The following SERBP1 variants were observed in gnomAD, a reference collection of about 807,000 sequenced individuals.
SERBP1 encodes the protein SERPINE1 mRNA-binding protein 1.
A neutral mutation model predicts 50.2 loss-of-function variants in SERBP1; 6 were observed. The ratio of observed to expected loss-of-function variants is 0.12; its 90% confidence interval spans 0.07 to 0.24. The LOEUF (loss-of-function observed/expected upper bound fraction) is 0.24. SERBP1 is among the 10% of genes least tolerant of loss of function. The pLI is 1.00. For missense variants in SERBP1, 346 were observed against 524.9 expected (o/e 0.66, Z 3.33); for synonymous variants, 168 against 182.8 (o/e 0.92, Z 0.65).
Position 67,410,896 on chromosome 1 carries a change from A to T in SERBP1, c.*2311T>A, listed in dbSNP as rs945855408. On this transcript the variant is annotated 3_prime_UTR_variant, in exon 8 of 8. Transcript: ENST00000361219. The stretch of plus-strand genomic sequence containing the variant: ...TCATTAAGATAAGTACCCTTCCCAA[A>T]TGTGATTCAACAGCCTGGTTTTTAG... The T allele has an allele frequency of 1.3e-5, 2 of 152,130 alleles. No homozygotes were observed. Among genetic ancestry groups the T allele is most frequent in the Non-Finnish European group, 2.9e-5 (2 of 67,988 alleles). 9.4% of individuals were successfully genotyped at this position (152,130 alleles called of 1,614,324 possible).
intron 6 of SERBP1, among the ~76,000 whole-genome samples, chr1:67,416,625 CAACTT>C (rs938853225): frequency 6.6e-6 from 1 of 152,162 alleles, no homozygotes; most frequent in Non-Finnish European, 1.5e-5. Flanking sequence ...CCATTAGACT[CAACTT>C]AAAATATTAC....
chr1:67,423,741 T>C (rs190395824), intron 5 of SERBP1, among the ~76,000 whole-genome samples: 21 of 152,382 alleles, frequency 1.4e-4, no homozygotes, highest in African/African-American at 5.0e-4. Flanking sequence ...GAACTAATGT[T>C]AAAATGGCCA....
rs574222249 is a variant in SERBP1, at chr1:67,408,592, A to T, written c.*4615T>A. 2.0e-5 allele frequency: 3 copies of T among 148,838 alleles called. 1 individual carries two copies. The South Asian group carries it at 6.4e-4, about 32-fold the overall frequency. The allele number at this position is 148,838 out of a possible 1,614,324, so 9.2% of individuals were successfully genotyped here. The stretch of plus-strand genomic sequence containing the variant: ...CTCAAAAAAAAAAAAAAAAAGATGC[A>T]ATCTCCAGGAGCCATTAATTTCTGC... On this transcript the variant is annotated 3_prime_UTR_variant, in exon 8 of 8. Transcript: ENST00000361219.
intron 2 of SERBP1, 113 bp from the exon 3 acceptor site, chr1:67,425,336 A>C (rs557698375): frequency 1.1e-5 from 11 of 962,124 alleles, no homozygotes; most frequent in Middle Eastern, 3.0e-4. Context: ...ACCAATAGTT[A>C]AATACATACA....
At position 67,411,241 on chromosome 1, in the gene SERBP1, G is replaced by T. The variant is rs886853320; in HGVS notation, c.*1966C>A. 6.6e-5 allele frequency: 10 copies of T among 152,086 alleles called. No homozygotes were observed. Among genetic ancestry groups the T allele is most frequent in the African/African-American group, 1.9e-4 (8 of 41,434 alleles). 9.4% of individuals were successfully genotyped at this position (152,086 alleles called of 1,614,324 possible). ...GCAACATACCAGATATTGCTATGTT[G>T]TCTCTCACGACAGCAATGGATGACA... On this transcript the variant is annotated 3_prime_UTR_variant, in exon 8 of 8. Coordinates refer to ENST00000361219, the MANE Select transcript of SERBP1 (RefSeq NM_001018069.2).
At chr1:67,426,498 A>G (rs548752113) in intron 1 of SERBP1, among the ~76,000 whole-genome samples, 2 of 152,338 alleles carry the variant, frequency 1.3e-5, no homozygotes, top group African/African-American at 4.8e-5. Context: ...GACTAAATAC[A>G]TAAATAAATA....
chr1:67,426,587 G>A (rs1037778891), intron 1 of SERBP1, among the ~76,000 whole-genome samples: 3 of 152,122 alleles, frequency 2.0e-5, no homozygotes, highest in African/African-American at 7.2e-5. Flanking sequence ...TTCTATAACT[G>A]ACTTGGAAAT....
intron 7 of SERBP1, among the ~76,000 whole-genome samples, chr1:67,413,531 T>C (rs1666906490): frequency 6.6e-6 from 1 of 151,268 alleles, no homozygotes; most frequent in South Asian, 2.1e-4. Flanking sequence ...GCACCTGTGA[T>C]CCCACTACTC....
Position 67,413,247 on chromosome 1 carries a change from G to A in SERBP1, c.1142C>T (p.Pro381Leu), listed in dbSNP as rs1167265360. The A allele has an allele frequency of 1.9e-6, 3 of 1,589,098 alleles. No homozygotes were observed. The highest frequency in any genetic ancestry group is 1.4e-5 in the African/African-American group (1 of 72,932). Reference protein sequence around the residue: ...SRTDKSSASAPDVDDPEAFPA... With the variant: ...SRTDKSSASALDVDDPEAFPA... ...GAATGCCTCTGGGTCATCCACATCA[G>A]GAGCAGAAGCACTTGACTGAAAAAG... is the stretch of plus-strand genomic sequence containing the variant. The change falls in exon 8 of 8, where the codon CCT becomes CTT. Residue 381 changes from proline to leucine, a missense_variant. By Grantham distance (98) the Pro-to-Leu change is moderately conservative. Transcript: ENST00000361219.
At position 67,412,871 on chromosome 1, in the gene SERBP1, G is replaced by T. The variant is rs1476804366; in HGVS notation, c.*336C>A. Reference sequence around the variant, plus strand: ...ACAAATGAAGTGAAAGCTTTAAACTGGTACACACTGTTCACACCTATATTT... The same window carrying T: ...ACAAATGAAGTGAAAGCTTTAAACTTGTACACACTGTTCACACCTATATTT... On this transcript the variant is annotated 3_prime_UTR_variant, in exon 8 of 8. Coordinates refer to ENST00000361219, the MANE Select transcript of SERBP1 (RefSeq NM_001018069.2). The T allele has an allele frequency of 3.7e-6, 1 of 268,664 alleles. No homozygotes were observed. The allele number at this position is 268,664 out of a possible 1,614,324, so 16.6% of individuals were successfully genotyped here.
At position 67,413,120 on chromosome 1, in the gene SERBP1, T is replaced by C; in HGVS notation, c.*87A>G. The C allele has an allele frequency of 7.1e-7, 1 of 1,402,908 alleles. No individual in the cohort carries two copies. Among genetic ancestry groups the C allele is most frequent in the East Asian group, 2.7e-5 (1 of 37,280 alleles). The allele number at this position is 1,402,908 out of a possible 1,614,324, so 86.9% of individuals were successfully genotyped here. On this transcript the variant is annotated 3_prime_UTR_variant, in exon 8 of 8. Transcript: ENST00000361219. The stretch of plus-strand genomic sequence containing the variant: ...TGAATGACAGTCTTTTTTTTTTTAA[T>C]TTCTTAGTCGTTTGGAATCCTTAAG...
Position 67,408,117 on chromosome 1 carries a change from C to T in SERBP1, c.*5090G>A, listed in dbSNP as rs1666692862. 6.6e-6 allele frequency: 1 copy of T among 152,142 alleles called. No homozygotes were observed. Among genetic ancestry groups the T allele is most frequent in the Non-Finnish European group, 1.5e-5 (1 of 68,028 alleles). The allele number at this position is 152,142 out of a possible 1,614,324, so 9.4% of individuals were successfully genotyped here. ...AATACATAAAAATCCTTAATATTAGCCCTTCACTTTCCATGCTTCCACCCA... is the reference window on the plus strand; with the variant it reads ...AATACATAAAAATCCTTAATATTAGTCCTTCACTTTCCATGCTTCCACCCA... On this transcript the variant is annotated 3_prime_UTR_variant, in exon 8 of 8. Transcript: ENST00000361219.
chr1:67,426,219 C>A lies in SERBP1; in HGVS notation c.380G>T (p.Arg127Ile). Reference sequence around the variant, plus strand: ...TTCACGAGGTGGTCGCCTTTCTGGTCTTCTATCAATTATTTTCCCTTCACC... The same window carrying A: ...TTCACGAGGTGGTCGCCTTTCTGGTATTCTATCAATTATTTTCCCTTCACC... Reference protein sequence around the residue: ...LQGEGKIIDRRPERRPPRERR... With the variant: ...LQGEGKIIDRIPERRPPRERR... Residue 127 changes from arginine to isoleucine, a missense_variant, in exon 2 of 8, where the codon AGA becomes ATA. Coordinates refer to ENST00000361219, the MANE Select transcript of SERBP1 (RefSeq NM_001018069.2). The A allele has an allele frequency of 6.2e-7, 1 of 1,610,620 alleles. No individual in the cohort carries two copies. Among genetic ancestry groups the A allele is most frequent in the Non-Finnish European group, 8.5e-7 (1 of 1,178,556 alleles).
In SERBP1 at chr1:67,411,279, GT is replaced by G. The variant is rs966760619; in HGVS notation, c.*1927del. 1.2e-4 allele frequency: 19 copies of G among 152,114 alleles called. No individual in the cohort carries two copies. The highest frequency in any genetic ancestry group is 4.6e-4 in the African/African-American group (19 of 41,434). The allele number at this position is 152,114 out of a possible 1,614,324, so 9.4% of individuals were successfully genotyped here. ...GCAATGGATGACACTGAGAAGTTGTGTTTTGAGTAGCAGGTGTTTTCTATAG... is the reference window on the plus strand; with the variant it reads ...GCAATGGATGACACTGAGAAGTTGTGTTTGAGTAGCAGGTGTTTTCTATAG... On this transcript the variant is annotated 3_prime_UTR_variant, in exon 8 of 8. Transcript: ENST00000361219.
chr1:67,416,011 CTT>C (rs376512995), intron 6 of SERBP1, among the ~76,000 whole-genome samples: 1,455 of 125,252 alleles, frequency 0.012, 25 homozygotes, highest in African/African-American at 0.04. Flanking sequence ...TCACAGGAAC[CTT>C]TTTTTTTTTT....
intron 7 of SERBP1, among the ~76,000 whole-genome samples, chr1:67,413,769 G>A (rs935248823): frequency 2.0e-5 from 3 of 151,956 alleles, no homozygotes; most frequent in African/African-American, 4.8e-5. Flanking sequence ...TTTCTACCAA[G>A]GCCTATTTTC....
intron 5 of SERBP1, among the ~76,000 whole-genome samples, chr1:67,422,770 G>C (rs1281271011): frequency 6.6e-6 from 1 of 151,812 alleles, no homozygotes; most frequent in African/African-American, 2.4e-5. Flanking sequence ...GACCAGCCTG[G>C]CCAACATGGT....
intron 7 of SERBP1, among the ~76,000 whole-genome samples, chr1:67,414,914 A>G (rs998504989): frequency 6.6e-6 from 1 of 152,220 alleles, no homozygotes; most frequent in East Asian, 1.9e-4. Flanking sequence ...CATTAAGTAC[A>G]TAAAATGCCT....
At chr1:67,417,786 C>A (rs1437300760) in intron 6 of SERBP1, among the ~76,000 whole-genome samples, 1 of 152,062 alleles carries the variant, frequency 6.6e-6, no homozygotes, top group African/African-American at 2.4e-5. Context: ...GCTGGGATTA[C>A]AGGTGTAAGC....
Sources: gnomAD v4.1 joint callset for allele counts (sites outside exome capture counted in the v4.1 genomes callset) on GRCh38, gnomAD v4.1.1 for gene constraint, MANE v1.5 for transcripts, NCBI Gene and HGNC (gene_info 2026-07-23, HGNC 2026-07-21) for gene names.